Variants in RUNX1 observed in about 807,000 individuals in gnomAD.
RUNX1 encodes RUNX family transcription factor 1, also known as runt-related transcription factor 1.
A neutral mutation model predicts 42.8 loss-of-function variants in RUNX1; 19 were observed. The observed-to-expected ratio is 0.44, with a 90% CI of 0.31 to 0.65. The LOEUF is 0.65. RUNX1 is among the 30% of genes least tolerant of loss of function. RUNX1 has a pLI of 0.07. For missense variants in RUNX1, 528 were observed against 672.0 expected (o/e 0.79, Z 2.37); for synonymous variants, 271 against 289.4 (o/e 0.94, Z 0.64).
At chr21:35,008,374 C>G (rs1203065116) in intron 2 of RUNX1, among the ~76,000 whole-genome samples, 1 of 152,232 alleles carries the variant, frequency 6.6e-6, no homozygotes, top group Non-Finnish European at 1.5e-5. Flanking sequence ...TCCATAGCAA[C>G]TAGCATCAAC....
At chr21:34,831,786 T>C (rs1468945877) in intron 7 of RUNX1, among the ~76,000 whole-genome samples, 1 of 152,146 alleles carries the variant, frequency 6.6e-6, no homozygotes, top group African/African-American at 2.4e-5. Flanking sequence ...AAGAACAAAC[T>C]GAAGGTCTTG....
In RUNX1 at chr21:35,025,833, G is replaced by A. The variant is rs1018494970; in HGVS notation, c.58+23009C>T. ...AGGACGTTTCTAGGGGAGGAAAAGG[G>A]AAACTCATATGGTTCTCTGCTAATT... On this transcript the variant is annotated intron_variant, in intron 2 of 8. Transcript: ENST00000675419. Among the ~76,000 whole-genome samples, 4 of 152,100 alleles carry A rather than the reference G, an allele frequency of 2.6e-5. No individual in the cohort carries two copies. In the East Asian group the frequency reaches 7.7e-4, roughly 29 times the overall value.
At chr21:34,995,076 C>T (rs1431681628) in intron 2 of RUNX1, among the ~76,000 whole-genome samples, 1 of 152,198 alleles carries the variant, frequency 6.6e-6, no homozygotes, top group Non-Finnish European at 1.5e-5. Context: ...TGACTGGTAG[C>T]CGAAGTCAGC....
intron 2 of RUNX1, among the ~76,000 whole-genome samples, chr21:35,043,872 G>C (rs1024834988): frequency 7.2e-5 from 11 of 152,158 alleles, no homozygotes; most frequent in Non-Finnish European, 1.5e-4. Context: ...AGGGAAAATG[G>C]GAGTCTCTCA....
At chr21:34,845,829 C>T (rs2057306940) in intron 6 of RUNX1, among the ~76,000 whole-genome samples, 1 of 152,142 alleles carries the variant, frequency 6.6e-6, no homozygotes, top group Non-Finnish European at 1.5e-5. Context: ...CCTCCAAGAG[C>T]TTTCCAAACT....
rs957787838 is a variant in RUNX1, at chr21:34,790,984, C to T, written c.*1151G>A. On this transcript the variant is annotated 3_prime_UTR_variant, in exon 9 of 9. Transcript: ENST00000675419. ...CCAAAGATGTAATTATTGGCACCTGCCTCAACCCTCTGGAACTAGATTGAC... is the reference window on the plus strand; with the variant it reads ...CCAAAGATGTAATTATTGGCACCTGTCTCAACCCTCTGGAACTAGATTGAC... 1.3e-4 allele frequency: 31 copies of T among 233,532 alleles called. No individual in the cohort carries two copies. Among genetic ancestry groups the T allele is most frequent in the African/African-American group, 6.0e-4 (27 of 45,314 alleles). 14.5% of individuals were successfully genotyped at this position (233,532 alleles called of 1,614,324 possible). A position where few individuals can be genotyped will look rare whatever the true frequency, so the allele number is the denominator to read the frequency against.
intron 2 of RUNX1, among the ~76,000 whole-genome samples, chr21:35,021,281 GTTA>G (rs2059196161): frequency 1.3e-5 from 2 of 152,198 alleles, no homozygotes; most frequent in African/African-American, 4.8e-5. Context: ...GATTACATGA[GTTA>G]TTATCTGCAA....
intron 7 of RUNX1, among the ~76,000 whole-genome samples, chr21:34,818,208 G>A (rs2056857737): frequency 6.6e-6 from 1 of 152,214 alleles, no homozygotes; most frequent in African/African-American, 2.4e-5. Context: ...CCTCCCCTGG[G>A]CTGCTCCACT....
intron 8 of RUNX1, among the ~76,000 whole-genome samples, chr21:34,796,924 G>GTC (rs2056537060): frequency 6.6e-6 from 1 of 152,252 alleles, no homozygotes; most frequent in Admixed American, 6.5e-5. Context: ...GCAGAAGGAA[G>GTC]CCCAGGTGGG....
chr21:35,041,058 G>A (rs1374040398), intron 2 of RUNX1, among the ~76,000 whole-genome samples: 12 of 152,180 alleles, frequency 7.9e-5, no homozygotes, highest in Non-Finnish European at 1.8e-4. Context: ...GCTCTGTGGT[G>A]TTGCTCTCAG....
At chr21:34,950,702 C>T (rs1375048420) in intron 2 of RUNX1, among the ~76,000 whole-genome samples, 1 of 152,222 alleles carries the variant, frequency 6.6e-6, no homozygotes, top group South Asian at 2.1e-4. Flanking sequence ...TGCCACTGCA[C>T]TCCAGCCTGG....
chr21:34,810,157 C>T (rs182930471), intron 7 of RUNX1, among the ~76,000 whole-genome samples: 1 of 152,370 alleles, frequency 6.6e-6, no homozygotes, highest in Non-Finnish European at 1.5e-5. Context: ...TCTCAGTGGG[C>T]ATTCTCCTAG....
At chr21:34,920,767 G>A (rs2058347740) in intron 2 of RUNX1, among the ~76,000 whole-genome samples, 1 of 129,146 alleles carries the variant, frequency 7.7e-6, no homozygotes, top group Non-Finnish European at 1.7e-5. Context: ...AATACCAGGA[G>A]CTAAATAAAC....
intron 2 of RUNX1, among the ~76,000 whole-genome samples, chr21:34,927,663 G>A (rs561045281): frequency 1.1e-4 from 16 of 152,152 alleles, no homozygotes; most frequent in Non-Finnish European, 1.9e-4. Flanking sequence ...GCTTGCAAGC[G>A]CAGAGCACCA....
intron 3 of RUNX1, chr21:34,889,945 G>T: frequency 1.3e-6 from 1 of 747,470 alleles, no homozygotes; most frequent in Non-Finnish European, 1.6e-6. Context: ...TCCACCGCGG[G>T]CTGCTTTGTG....
rs570515546 is a variant in RUNX1 at position 35,039,070 on chromosome 21, A to C, written c.58+9772T>G. Among the ~76,000 whole-genome samples the C allele has an allele frequency of 2.0e-5, 3 of 152,358 alleles. No homozygotes were observed. In the South Asian group the frequency reaches 6.2e-4, roughly 32 times the overall value. ...GCAACTGCATTTCTAACACAGCCTA[A>C]GGACGTTCTTAAGGACTCAGGGATT... On this transcript the variant is annotated intron_variant, in intron 2 of 8. Transcript: ENST00000675419.
At chr21:34,924,898 A>G (rs1355482597) in intron 2 of RUNX1, among the ~76,000 whole-genome samples, 2 of 152,148 alleles carry the variant, frequency 1.3e-5, no homozygotes, top group Non-Finnish European at 2.9e-5. Context: ...CTCACATTGT[A>G]TGTGTGAGAG....
chr21:34,880,442 A>G (rs565189672), intron 5 of RUNX1, 115 bp downstream of exon 5: 17 of 931,664 alleles, frequency 1.8e-5, no homozygotes, highest in South Asian at 1.8e-4. Context: ...TAGCAATAAG[A>G]ATGTTAAGAC....
chr21:34,800,468 TC>T (rs1026997910), intron 7 of RUNX1, among the ~76,000 whole-genome samples: 1 of 152,190 alleles, frequency 6.6e-6, no homozygotes, highest in African/African-American at 2.4e-5. Flanking sequence ...CTACCGTAAC[TC>T]CCAAGGGTCT....
Sources: gnomAD v4.1 joint callset for allele counts (sites outside exome capture counted in the v4.1 genomes callset) on GRCh38, gnomAD v4.1.1 for gene constraint, MANE v1.5 for transcripts, NCBI Gene and HGNC (gene_info 2026-07-23, HGNC 2026-07-21) for gene names.